The following TFIP11 variants were observed in gnomAD, a reference collection of about 807,000 sequenced individuals.
TFIP11 encodes tuftelin-interacting protein 11.
Under a neutral mutation model 96.8 loss-of-function variants are expected in TFIP11, and 86 were observed. The observed-to-expected ratio is 0.89, with a 90% CI of 0.75 to 1.06. The LOEUF is 1.06. Ranked by LOEUF, TFIP11 falls within the 50% of genes least tolerant of loss-of-function variation. TFIP11 has a pLI of 0.00. For missense variants in TFIP11, 881 were observed against 1,076.7 expected, an observed-to-expected ratio of 0.82 and a Z score of 2.54; for synonymous variants, 405 against 395.2, an observed-to-expected ratio of 1.02 and a Z score of -0.29.
At chr22:26,506,099 T>A (rs1409216599) in intron 6 of TFIP11, 1 of 503,852 alleles carries the variant, frequency 2.0e-6, no homozygotes, top group Non-Finnish European at 3.3e-6. Flanking sequence ...ACCCTAACCC[T>A]TTCCTTGCTG....
chr22:26,506,895 G>T lies in TFIP11; in HGVS notation c.243C>A (p.Ile81=), dbSNP rs1213523483. 11 of 1,614,054 alleles carry T rather than the reference G, an allele frequency of 6.8e-6. No individual in the cohort carries two copies. Among genetic ancestry groups the T allele is most frequent in the African/African-American group, 1.3e-5 (1 of 74,934 alleles). Residue 81 remains isoleucine, a synonymous_variant, in exon 5 of 15, where the codon ATC becomes ATA. Coordinates refer to ENST00000407690, the MANE Select transcript of TFIP11 (RefSeq NM_012143.4). ...CTGCCCCTTTCTTGAGCCCTGCGCT[G>T]ATGAAGTTGACTGGCGCAGAGTAGT... ...ARDYSAPVNF[I]SAGLKKGAAE...
rs749772469 is a variant in TFIP11, at chr22:26,491,658, T to TCTGCTACTGACTGAACTCGTTGTG, written c.*331_*354dup. 1.1e-5 allele frequency: 18 copies of TCTGCTACTGACTGAACTCGTTGTG among 1,610,970 alleles called. No individual in the cohort carries two copies. Among genetic ancestry groups the TCTGCTACTGACTGAACTCGTTGTG allele is most frequent in the Middle Eastern group, 1.6e-4 (1 of 6,084 alleles). ...CATCAGGAACAAGAGAGAAGATCCTTCTGCTACTGACTGAACTCGTTGTGA... is the reference window on the plus strand; with the variant it reads ...CATCAGGAACAAGAGAGAAGATCCTTCTGCTACTGACTGAACTCGTTGTGCTGCTACTGACTGAACTCGTTGTGA... On this transcript the variant is annotated 3_prime_UTR_variant, in exon 15 of 15. Coordinates refer to ENST00000407690, the MANE Select transcript of TFIP11 (RefSeq NM_012143.4).
rs140094946 is a variant in TFIP11, at chr22:26,499,131, C to G, written c.1302G>C (p.Glu434Asp). ...AVAIVYPLMK[E>D]YFKEWDPLKD... ...TGAGGGGATCCCACTCCTTGAAGTA[C>G]TCCTTCATGAGTGGATAGACGATGG... Residue 434 changes from glutamate (E) to aspartate (D), a missense_variant, in exon 9 of 15, where the codon GAG (glutamate) becomes GAC (aspartate). By Grantham distance (45) the Glu-to-Asp change is conservative (BLOSUM62 2). Coordinates refer to ENST00000407690, the MANE Select transcript of TFIP11 (RefSeq NM_012143.4). The G allele has an allele frequency of 1.9e-5, 30 of 1,591,182 alleles. No homozygotes were observed. The African/African-American group carries it at 3.9e-4, about 21-fold the overall frequency.
chr22:26,501,710 G>A (rs1922803343), intron 8 of TFIP11, among the ~76,000 whole-genome samples, 190 bp downstream of exon 8: 1 of 129,114 alleles, frequency 7.7e-6, no homozygotes, highest in South Asian at 2.7e-4. Context: ...TAATGAATAG[G>A]AACATGATAT....
At chr22:26,492,948 G>GA (rs940174826) in intron 14 of TFIP11, 15 of 153,064 alleles carry the variant, frequency 9.8e-5, no homozygotes, top group African/African-American at 3.1e-4. Flanking sequence ...AGAGTTTTTA[G>GA]AAAAAACTTG....
At position 26,499,299 on chromosome 22, in the gene TFIP11, C is replaced by T; in HGVS notation, c.1134G>A (p.Glu378=). The T allele has an allele frequency of 1.2e-6, 2 of 1,614,060 alleles. No homozygotes were observed. Among genetic ancestry groups the T allele is most frequent in the Non-Finnish European group, 1.7e-6 (2 of 1,179,938 alleles). ...RVISNLSKVL[E]MVEECERRMQ... is the part of the protein sequence containing the mutation. ...TCCGCCGCTCGCACTCCTCCACCAT[C>T]TCCAGGACCTTGCTGAGGTTCGAGA... Residue 378 remains glutamate, a synonymous_variant, in exon 9 of 15, where the codon GAG becomes GAA. Transcript: ENST00000407690.
chr22:26,493,975 C>T, intron 14 of TFIP11, 164 bp downstream of exon 14: 1 of 716,226 alleles, frequency 1.4e-6, no homozygotes, highest in East Asian at 2.8e-5. Context: ...TGCCAGCTGA[C>T]CATGTACCCC....
chr22:26,491,915 A>G lies in TFIP11; in HGVS notation c.*98T>C, dbSNP rs1018749495. On this transcript the variant is annotated 3_prime_UTR_variant, in exon 15 of 15. Coordinates refer to ENST00000407690, the MANE Select transcript of TFIP11 (RefSeq NM_012143.4). Reference sequence around the variant, plus strand: ...CCTGATGTGGAGTAGCTCCTGAGTAAAGAAGTTACCCTTTTGAAGGTGATC... The same window carrying G: ...CCTGATGTGGAGTAGCTCCTGAGTAGAGAAGTTACCCTTTTGAAGGTGATC... 23 of 1,252,484 alleles carry G rather than the reference A, an allele frequency of 1.8e-5. No homozygotes were observed. The highest frequency in any genetic ancestry group is 6.8e-5 in the Admixed American group (3 of 43,922). 77.6% of individuals were successfully genotyped at this position (1,252,484 alleles called of 1,614,324 possible). A position where few individuals can be genotyped will look rare whatever the true frequency, so the allele number is the denominator to read the frequency against.
intron 6 of TFIP11, among the ~76,000 whole-genome samples, chr22:26,505,144 A>T (rs1408168923): frequency 6.6e-6 from 1 of 152,158 alleles, no homozygotes; most frequent in Non-Finnish European, 1.5e-5. Context: ...ACATTTGATT[A>T]TATCTACTTG....
In TFIP11 at chr22:26,494,098, A is replaced by C. The variant is rs375297738; in HGVS notation, c.2158+41T>G. On this transcript the variant is annotated intron_variant, in intron 14 of 14. Coordinates refer to ENST00000407690, the MANE Select transcript of TFIP11 (RefSeq NM_012143.4). Reference sequence around the variant, plus strand: ...TGTCATTTACATGTGTAAAATCTGAAACTTGGGGCCAGGACATCCAAAATG... The same window carrying C: ...TGTCATTTACATGTGTAAAATCTGACACTTGGGGCCAGGACATCCAAAATG... The C allele has an allele frequency of 8.1e-6, 13 of 1,606,226 alleles. No individual in the cohort carries two copies. In the African/African-American group the frequency reaches 1.5e-4, roughly 18 times the overall value.
rs1049732876 is a variant in TFIP11 at position 26,506,448 on chromosome 22, A to G, written c.375T>C (p.Phe125=). The G allele has an allele frequency of 6.2e-7, 1 of 1,600,900 alleles. No individual in the cohort carries two copies. The highest frequency in any genetic ancestry group is 8.5e-7 in the Non-Finnish European group (1 of 1,176,774). ...GPRKLKTGGN[F]KPSQKGFAGG... ...CTGCAAAACCTTTCTGGCTGGGCTT[A>G]AAATTGCCACCCTGCAAAAAAGAAA... The change falls in exon 6 of 15, where the codon TTT becomes TTC. Residue 125 remains phenylalanine (F), a synonymous_variant. Transcript: ENST00000407690.
rs1921150851 is a variant in TFIP11 at position 26,491,363 on chromosome 22, AAAGTAAAGTGGGGATGAC to A, written c.*632_*649del. ...AATACCCTATTTGTTATTTTTTTAA[AAAGTAAAGTGGGGATGAC>A]AAGTAAAGTGGAAATTTATCCCAGA... On this transcript the variant is annotated 3_prime_UTR_variant, in exon 15 of 15. Coordinates refer to ENST00000407690, the MANE Select transcript of TFIP11 (RefSeq NM_012143.4). 9.9e-7 allele frequency: 1 copy of A among 1,007,582 alleles called. No individual in the cohort carries two copies. Among genetic ancestry groups the A allele is most frequent in the East Asian group, 2.4e-5 (1 of 41,870 alleles). 62.4% of individuals were successfully genotyped at this position (1,007,582 alleles called of 1,614,324 possible). A position where few individuals can be genotyped will look rare whatever the true frequency, so the allele number is the denominator to read the frequency against.
intron 4 of TFIP11, among the ~76,000 whole-genome samples, chr22:26,507,749 C>T (rs1923593962): frequency 2.6e-5 from 4 of 151,952 alleles, no homozygotes; most frequent in Admixed American, 2.6e-4. Flanking sequence ...TTACATTAAG[C>T]CATTAACCTC....
rs1306166992 is a variant in TFIP11 at position 26,491,273 on chromosome 22, TCA to T, written c.*738_*739del. 1.4e-6 allele frequency: 1 copy of T among 717,462 alleles called. No individual in the cohort carries two copies. Among genetic ancestry groups the T allele is most frequent in the African/African-American group, 1.8e-5 (1 of 55,602 alleles). 44.4% of individuals were successfully genotyped at this position (717,462 alleles called of 1,614,324 possible). ...TTCCTTATTTCCTTTATTCTTAGTA[TCA>T]CAGTCCATGATATCCACTGTCCTTG... On this transcript the variant is annotated 3_prime_UTR_variant, in exon 15 of 15. Transcript: ENST00000407690.
chr22:26,503,292 T>G (rs1923011521), intron 7 of TFIP11, among the ~76,000 whole-genome samples: 1 of 152,110 alleles, frequency 6.6e-6, no homozygotes, highest in Non-Finnish European at 1.5e-5. Context: ...TCAGAGCCTC[T>G]CAGTGTCCTC....
chr22:26,498,455 A>G (rs1312719130), intron 10 of TFIP11, among the ~76,000 whole-genome samples: 1 of 151,722 alleles, frequency 6.6e-6, no homozygotes, highest in African/African-American at 2.4e-5. Flanking sequence ...AGGCAGGAGA[A>G]TCGCTTGAAC....
chr22:26,492,390 C>T (rs775837320), intron 14 of TFIP11, 22 bp from the exon 15 acceptor site: 26 of 1,608,218 alleles, frequency 1.6e-5, no homozygotes, highest in Admixed American at 5.0e-5. Flanking sequence ...GAGGACAGGG[C>T]GGTGAGGAGA....
intron 4 of TFIP11, among the ~76,000 whole-genome samples, chr22:26,509,200 C>A (rs532384462): frequency 3.9e-5 from 6 of 152,310 alleles, no homozygotes; most frequent in East Asian, 3.9e-4. Context: ...ACCCTTCCCC[C>A]TCTCTGCTCC....
At position 26,510,482 on chromosome 22, in the gene TFIP11, T is replaced by C; in HGVS notation, c.-10+135A>G. ...TCAGTACTAAAACAGGTGAACAAAATACTACTCCTAACAGTCTATGATTCT... is the reference window on the plus strand; with the variant it reads ...TCAGTACTAAAACAGGTGAACAAAACACTACTCCTAACAGTCTATGATTCT... On this transcript the variant is annotated intron_variant, in intron 3 of 14. Transcript: ENST00000407690. 6.9e-6 allele frequency: 4 copies of C among 580,330 alleles called. No homozygotes were observed. In the South Asian group the frequency reaches 8.3e-5, roughly 12 times the overall value. The allele number at this position is 580,330 out of a possible 1,614,324, so 35.9% of individuals were successfully genotyped here.
Sources: gnomAD v4.1 joint callset for allele counts (sites outside exome capture counted in the v4.1 genomes callset) on GRCh38, gnomAD v4.1.1 for gene constraint, MANE v1.5 for transcripts, NCBI Gene and HGNC (gene_info 2026-07-23, HGNC 2026-07-21) for gene names.